The following TUBGCP5 variants were observed in gnomAD, a reference collection of about 807,000 sequenced individuals.
The protein encoded by TUBGCP5 is gamma-tubulin complex component 5.
A neutral mutation model predicts 134.7 loss-of-function variants in TUBGCP5; 98 were observed. The observed-to-expected ratio is 0.73, with a 90% CI of 0.62 to 0.86. The LOEUF is 0.86. TUBGCP5 is among the 40% of genes least tolerant of loss of function. TUBGCP5 has a pLI of 0.00. For synonymous variants in TUBGCP5, 456 were observed against 431.4 expected, an observed-to-expected ratio of 1.06 and a Z score of -0.71; for missense variants, 1,150 against 1,244.8, an observed-to-expected ratio of 0.92 and a Z score of 1.15.
chr15:23,032,825 CT>C lies in TUBGCP5; in HGVS notation c.310-2del. On this transcript the variant is annotated splice_acceptor_variant, in intron 3 of 22. Transcript: ENST00000615383. LOFTEE classifies it high-confidence loss of function. ...ACAGTATGGAATAATGTGCATCTGT[CT>C]TTAAAACAAAAAAAAGAACATAAAT... 1 of 1,549,554 alleles carries C rather than the reference CT, an allele frequency of 6.5e-7. No individual in the cohort carries two copies. The highest frequency in any genetic ancestry group is 8.7e-7 in the Non-Finnish European group (1 of 1,153,058).
At chr15:23,000,297 A>G (rs1482766138) in intron 22 of TUBGCP5, 2 of 1,269,410 alleles carry the variant, frequency 1.6e-6, no homozygotes, top group East Asian at 6.0e-5. Context: ...AGTGTGACAG[A>G]AATCTATTCT....
chr15:23,038,443 G>A (rs1184181915), intron 1 of TUBGCP5, among the ~76,000 whole-genome samples: 1 of 152,088 alleles, frequency 6.6e-6, no homozygotes, highest in African/African-American at 2.4e-5. Flanking sequence ...TTTCTGTATT[G>A]TATAACCTAT....
chr15:23,005,407 T>C, intron 19 of TUBGCP5, 25 bp downstream of exon 19: 1 of 1,611,282 alleles, frequency 6.2e-7, no homozygotes, highest in Non-Finnish European at 8.5e-7. Context: ...ACGATAGAAC[T>C]GAAGCAGATG....
chr15:23,006,635 G>A (rs968158597), intron 16 of TUBGCP5, among the ~76,000 whole-genome samples: 7 of 152,186 alleles, frequency 4.6e-5, no homozygotes, highest in African/African-American at 1.4e-4. Flanking sequence ...GAGGAAGACA[G>A]TAAACTTCAG....
rs1242962963 is a variant in TUBGCP5, at chr15:23,026,129, G to C, written c.814C>G (p.Arg272Gly). 4 of 1,608,116 alleles carry C rather than the reference G, an allele frequency of 2.5e-6. No homozygotes were observed. The South Asian group carries it at 3.4e-5, about 13-fold the overall frequency. The change falls in exon 8 of 23, where the codon CGG becomes GGG. Residue 272 changes from arginine (R) to glycine (G), a missense_variant. Arg to Gly is a moderately radical substitution (Grantham distance 125). Transcript: ENST00000615383. ...RVLVTETQVI[R>G]ETLWLLSGVK... ...AACATTTCTTACCATAGGGTTTCCC[G>C]AATAACCTGAGTCTCAGTAACCAAA...
chr15:22,988,730 C>T (rs1287405044), intron 23 of TUBGCP5, among the ~76,000 whole-genome samples: 22 of 46,062 alleles, frequency 4.8e-4, no homozygotes, highest in South Asian at 1.1e-3. Context: ...AGCGAGACTC[C>T]GTCTCAAAAA....
chr15:23,032,133 A>G lies in TUBGCP5; in HGVS notation c.407-104T>C, dbSNP rs928807866. 6.8e-5 allele frequency: 49 copies of G among 718,326 alleles called. No homozygotes were observed. The African/African-American group carries it at 8.0e-4, about 12-fold the overall frequency. 44.5% of individuals were successfully genotyped at this position (718,326 alleles called of 1,614,324 possible). On this transcript the variant is annotated intron_variant, in intron 4 of 22. Transcript: ENST00000615383. ...CTAACAAGACTCAAAATACTCAGGAAATAAAAATTTAAAAATATTGAAACA... is the reference window on the plus strand; with the variant it reads ...CTAACAAGACTCAAAATACTCAGGAGATAAAAATTTAAAAATATTGAAACA...
At chr15:23,017,341 A>T (rs984676760) in intron 13 of TUBGCP5, among the ~76,000 whole-genome samples, 3 of 152,178 alleles carry the variant, frequency 2.0e-5, no homozygotes, top group Non-Finnish European at 2.9e-5. Context: ...CAACATAAAG[A>T]AGTAGTAAAT....
chr15:22,993,884 T>A (rs1345699411), intron 23 of TUBGCP5, among the ~76,000 whole-genome samples: 3 of 151,928 alleles, frequency 2.0e-5, no homozygotes, highest in Non-Finnish European at 4.4e-5. Flanking sequence ...TTTCACCACG[T>A]TGGCCAGGCT....
In TUBGCP5 at chr15:23,024,694, A is replaced by G. The variant is rs754789991; in HGVS notation, c.921+43T>C. 2.4e-5 allele frequency: 26 copies of G among 1,078,832 alleles called. No individual in the cohort carries two copies. In the East Asian group the frequency reaches 6.2e-4, roughly 26 times the overall value. 66.8% of individuals were successfully genotyped at this position (1,078,832 alleles called of 1,614,324 possible). ...TTCTAAAATTATATTACTAGTTTAC[A>G]TAAATCCTATTTCTTAAATTACCAT... On this transcript the variant is annotated intron_variant, in intron 9 of 22. Transcript: ENST00000615383.
At chr15:22,992,113 CG>C (rs1442066204) in intron 23 of TUBGCP5, among the ~76,000 whole-genome samples, 3 of 152,138 alleles carry the variant, frequency 2.0e-5, no homozygotes, top group Non-Finnish European at 4.4e-5. Flanking sequence ...TGCAGTCGTA[CG>C]ACCTGACAGT....
At chr15:22,983,483 C>A in exon 24 of TUBGCP5, 1 of 152,226 alleles carries the variant, frequency 6.6e-6, no homozygotes, top group South Asian at 2.1e-4. Flanking sequence ...GGTCGGTAAT[C>A]CCAGCATTTT....
intron 23 of TUBGCP5, among the ~76,000 whole-genome samples, chr15:22,993,612 T>A (rs777302555): frequency 2.9e-4 from 42 of 143,172 alleles, no homozygotes; most frequent in Non-Finnish European, 5.1e-4. Flanking sequence ...TGGTGCGATC[T>A]CGGCTCACTG....
chr15:23,008,097 C>A (rs1018010583), intron 16 of TUBGCP5, among the ~76,000 whole-genome samples: 1 of 152,038 alleles, frequency 6.6e-6, no homozygotes, highest in African/African-American at 2.4e-5. Context: ...GGGACGAGGT[C>A]CCACTATGTT....
intron 3 of TUBGCP5, among the ~76,000 whole-genome samples, chr15:23,034,788 T>C (rs757449286): frequency 6.6e-6 from 1 of 151,802 alleles, no homozygotes; most frequent in South Asian, 2.1e-4. Context: ...GATTGCACCA[T>C]TGCATTCCAG....
intron 23 of TUBGCP5, among the ~76,000 whole-genome samples, chr15:22,993,138 C>T (rs1399491615): frequency 6.6e-6 from 1 of 152,170 alleles, no homozygotes; most frequent in African/African-American, 2.4e-5. Context: ...CTCGCTCTGT[C>T]GCCCAGGCTG....
At chr15:23,021,066 T>C (rs2065658192) in intron 11 of TUBGCP5, among the ~76,000 whole-genome samples, 1 of 152,174 alleles carries the variant, frequency 6.6e-6, no homozygotes, top group Non-Finnish European at 1.5e-5. Context: ...TGTTTGTATT[T>C]TTAGTAGAGA....
chr15:22,990,520 C>T (rs949386776), intron 23 of TUBGCP5, among the ~76,000 whole-genome samples: 6 of 152,178 alleles, frequency 3.9e-5, no homozygotes, highest in Admixed American at 3.3e-4. Flanking sequence ...ACCAGCAGAA[C>T]AGGGAGACAG....
In TUBGCP5 at chr15:23,004,162, C is replaced by T. The variant is rs760016675; in HGVS notation, c.2778G>A (p.Leu926=). Residue 926 remains leucine (L), a synonymous_variant, in exon 20 of 23, where the codon TTG becomes TTA. Transcript: ENST00000615383. ...ACAGATACCTATAGTGAATTTTAATCAATTGATCTAAATCCTTGGCTTCCT... is the reference window on the plus strand; with the variant it reads ...ACAGATACCTATAGTGAATTTTAATTAATTGATCTAAATCCTTGGCTTCCT... ...QVEEAKDLDQ[L]IKIHYRYLST... 26 of 1,613,196 alleles carry T rather than the reference C, an allele frequency of 1.6e-5. No individual in the cohort carries two copies. Among genetic ancestry groups the T allele is most frequent in the Non-Finnish European group, 2.2e-5 (26 of 1,179,722 alleles).
Sources: gnomAD v4.1 joint callset for allele counts (sites outside exome capture counted in the v4.1 genomes callset) on GRCh38, gnomAD v4.1.1 for gene constraint, MANE v1.5 for transcripts, NCBI Gene and HGNC (gene_info 2026-07-23, HGNC 2026-07-21) for gene names.